The following ZNF276 variants were observed in gnomAD, a reference collection of about 807,000 sequenced individuals.
ZNF276 encodes zinc finger protein 276, also known as centromere protein Z.
A neutral mutation model predicts 63.9 loss-of-function variants in ZNF276; 59 were observed. The observed-to-expected ratio is 0.92, with a 90% confidence interval of 0.75 to 1.15. The LOEUF (loss-of-function observed/expected upper bound fraction) is 1.15, where lower values mean the gene tolerates loss of function less well. Among genes scored for constraint, ZNF276 ranks in the 50% most tolerant of loss-of-function variants. The pLI, the probability that ZNF276 is intolerant of heterozygous loss-of-function variation, is 0.00. For missense variants in ZNF276, 1,084 were observed against 843.8 expected, an observed-to-expected ratio of 1.28 and a Z score of -3.53; for synonymous variants, 496 against 348.4, an observed-to-expected ratio of 1.42 and a Z score of -4.72.
chr16:89,722,601 C>T lies in ZNF276; in HGVS notation c.276C>T (p.Arg92=), dbSNP rs1384406895. The T allele has an allele frequency of 1.1e-5, 18 of 1,612,082 alleles. No homozygotes were observed. Among genetic ancestry groups the T allele is most frequent in the South Asian group, 9.9e-5 (9 of 91,092 alleles). ...GGAAGTTTTCCTCGAGAAGCCTGCG[C>T]AGCATCTCCGAGAGGGCGCCTGGAG... ...CHGKFSSRSL[R]SISERAPGAS... Residue 92 remains arginine (R), a synonymous_variant, in exon 2 of 11, where the codon CGC becomes CGT. Coordinates refer to ENST00000443381, the MANE Select transcript of ZNF276 (RefSeq NM_001113525.2).
intron 9 of ZNF276, among the ~76,000 whole-genome samples, chr16:89,736,776 C>T (rs2061918785): frequency 8.7e-6 from 1 of 114,728 alleles, no homozygotes; most frequent in Non-Finnish European, 1.6e-5. Flanking sequence ...ACCTGGGCAA[C>T]AGAGCAAGAC....
intron 9 of ZNF276, among the ~76,000 whole-genome samples, chr16:89,735,894 TGTTTGTTTG>T (rs2061855131): frequency 7.2e-6 from 1 of 138,342 alleles, no homozygotes; most frequent in Admixed American, 7.2e-5. Flanking sequence ...TTTTTTTGTT[TGTTTGTTTG>T]TTTTTTTGAC....
chr16:89,723,401 GC>G lies in ZNF276; in HGVS notation c.699del (p.Cys234AlafsTer119). 2 of 1,613,040 alleles carry G rather than the reference GC, an allele frequency of 1.2e-6. No homozygotes were observed. Among genetic ancestry groups the G allele is most frequent in the Non-Finnish European group, 1.7e-6 (2 of 1,180,032 alleles). ...EYCGVIQVVW[G>X]CDQGHDYTMD... is the part of the protein sequence containing the mutation. ...TGCGGCGTCATCCAGGTCGTGTGGG[GC>G]TGCGACCAGGGCCACGACTACACCA... is the stretch of plus-strand genomic sequence containing the variant. On this transcript the variant is annotated frameshift_variant, in exon 4 of 11. Transcript: ENST00000443381. LOFTEE classifies it high-confidence loss of function.
chr16:89,720,408 C>T (rs2151649060), upstream of ZNF276: 2 of 1,013,052 alleles, frequency 2.0e-6, no homozygotes, highest in East Asian at 9.2e-5. Context: ...TTAAATCTAC[C>T]ATCTCTGCCC....
Position 89,740,329 on chromosome 16 carries a change from CAAAT to C in ZNF276, c.*2086_*2089del, listed in dbSNP as rs2062097778. 5.3e-6 allele frequency: 3 copies of C among 564,310 alleles called. No homozygotes were observed. The highest frequency in any genetic ancestry group is 4.8e-4 in the Middle Eastern group (1 of 2,084). 35.0% of individuals were successfully genotyped at this position (564,310 alleles called of 1,614,324 possible). A position where few individuals can be genotyped will look rare whatever the true frequency, so the allele number is the denominator to read the frequency against. ...CACCAAGGCTGCTGCACCACGTCCT[CAAAT>C]AAGACATTAAAAGAAAGGCCCACAG... On this transcript the variant is annotated 3_prime_UTR_variant, in exon 11 of 11. Coordinates refer to ENST00000443381, the MANE Select transcript of ZNF276 (RefSeq NM_001113525.2).
At position 89,736,981 on chromosome 16, in the gene ZNF276, G is replaced by A. The variant is rs534681467; in HGVS notation, c.1475-825G>A. 7.9e-5 allele frequency among the ~76,000 whole-genome samples: 12 copies of A among 152,218 alleles called. No homozygotes were observed. The South Asian group carries it at 1.0e-3, about 13-fold the overall frequency. On this transcript the variant is annotated intron_variant, in intron 9 of 10. Transcript: ENST00000443381. ...AAGAGAAAAGTCTGTCTTGTGAAGC[G>A]TTTCAGGGCTTGACAGATGTGGAGG...
upstream of ZNF276, chr16:89,720,464 G>C: frequency 9.2e-7 from 1 of 1,085,882 alleles, no homozygotes; most frequent in Admixed American, 5.3e-5. Context: ...TCGGATTTTG[G>C]AAGGTGGCCT....
At chr16:89,727,258 G>A (rs2061497357) in intron 4 of ZNF276, 21 bp from the exon 5 acceptor site, 2 of 1,613,034 alleles carry the variant, frequency 1.2e-6, no homozygotes, top group Admixed American at 1.7e-5. Context: ...GGTAACAGGA[G>A]CCTTGTTCTT....
chr16:89,740,227 G>T lies in ZNF276; in HGVS notation c.*1981G>T. 1 of 836,564 alleles carries T rather than the reference G, an allele frequency of 1.2e-6. No individual in the cohort carries two copies. Among genetic ancestry groups the T allele is most frequent in the Non-Finnish European group, 2.1e-6 (1 of 482,210 alleles). 51.8% of individuals were successfully genotyped at this position (836,564 alleles called of 1,614,324 possible). On this transcript the variant is annotated 3_prime_UTR_variant, in exon 11 of 11. Coordinates refer to ENST00000443381, the MANE Select transcript of ZNF276 (RefSeq NM_001113525.2). ...ATTGTAAGTCTTAAAACTGGTGACA[G>T]TTTTACCTATAGAAGGTAATACTGG... is the stretch of plus-strand genomic sequence containing the variant.
chr16:89,734,315 T>C (rs566417243), intron 9 of ZNF276, among the ~76,000 whole-genome samples: 9 of 122,708 alleles, frequency 7.3e-5, no homozygotes, highest in South Asian at 3.1e-4. Context: ...CTTTTGCAAA[T>C]TGGTCATTTT....
intron 4 of ZNF276, among the ~76,000 whole-genome samples, chr16:89,724,896 C>T (rs952565654): frequency 2.6e-5 from 4 of 152,276 alleles, no homozygotes; most frequent in Middle Eastern, 3.4e-3. Flanking sequence ...ATCTATGTAT[C>T]TACTTATCTA....
chr16:89,736,246 C>T (rs192435777), intron 9 of ZNF276, among the ~76,000 whole-genome samples: 2 of 151,950 alleles, frequency 1.3e-5, no homozygotes, highest in South Asian at 2.1e-4. Context: ...AGGCTGGTCT[C>T]GAGTTCCTGA....
chr16:89,737,143 C>T (rs996930401), intron 9 of ZNF276, among the ~76,000 whole-genome samples: 2 of 152,090 alleles, frequency 1.3e-5, no homozygotes, highest in African/African-American at 4.8e-5. Context: ...GGGTATGGAC[C>T]CCTCTCATAT....
At position 89,738,315 on chromosome 16, in the gene ZNF276, G is replaced by C; in HGVS notation, c.*69G>C. 6.6e-7 allele frequency: 1 copy of C among 1,521,744 alleles called. No homozygotes were observed. Among genetic ancestry groups the C allele is most frequent in the South Asian group, 1.2e-5 (1 of 81,434 alleles). 94.3% of individuals were successfully genotyped at this position (1,521,744 alleles called of 1,614,324 possible). On this transcript the variant is annotated 3_prime_UTR_variant, in exon 11 of 11. Transcript: ENST00000443381. ...AGTGGCTGTGTCAGCCTCACCCTTC[G>C]TGTGCACCCGCATGGGAGGGTCGGA...
chr16:89,734,516 G>T (rs970096533), intron 9 of ZNF276, among the ~76,000 whole-genome samples: 2 of 152,064 alleles, frequency 1.3e-5, no homozygotes, highest in Non-Finnish European at 2.9e-5. Flanking sequence ...TGGTAGAGAC[G>T]GGGTTTCACC....
At position 89,722,646 on chromosome 16, in the gene ZNF276, C is replaced by T. The variant is rs770605242; in HGVS notation, c.321C>T (p.Ser107=). 2 of 1,612,158 alleles carry T rather than the reference C, an allele frequency of 1.2e-6. No homozygotes were observed. Among genetic ancestry groups the T allele is most frequent in the South Asian group, 1.1e-5 (1 of 91,088 alleles). Residue 107 remains serine, a synonymous_variant, in exon 2 of 11, where the codon TCC becomes TCT. Coordinates refer to ENST00000443381, the MANE Select transcript of ZNF276 (RefSeq NM_001113525.2). ...RAPGASMERP[S]AEERVLVRDF... ...CTGGAGCGAGCATGGAGAGGCCATC[C>T]GCAGAGGAGCGCGTGCTCGTACGGG...
chr16:89,725,685 G>A (rs1035046880), intron 4 of ZNF276, among the ~76,000 whole-genome samples: 1 of 152,016 alleles, frequency 6.6e-6, no homozygotes, highest in African/African-American at 2.4e-5. Context: ...CAGCTACTTG[G>A]GAGGCTGAGG....
At chr16:89,737,569 G>T in intron 9 of ZNF276, 2 of 641,480 alleles carry the variant, frequency 3.1e-6, no homozygotes, top group Non-Finnish European at 4.9e-6. Context: ...AGCTTTCTGA[G>T]GTTTCTTTAA....
intron 5 of ZNF276, among the ~76,000 whole-genome samples, chr16:89,727,815 A>C (rs2061515015): frequency 6.6e-6 from 1 of 152,190 alleles, no homozygotes; most frequent in Non-Finnish European, 1.5e-5. Flanking sequence ...GGAGTAGAGA[A>C]ACCCCGACTT....
Sources: gnomAD v4.1 joint callset for allele counts (sites outside exome capture counted in the v4.1 genomes callset) on GRCh38, gnomAD v4.1.1 for gene constraint, MANE v1.5 for transcripts, NCBI Gene and HGNC (gene_info 2026-07-23, HGNC 2026-07-21) for gene names.